The following SNTB2 variants were observed in gnomAD, a reference collection of about 807,000 sequenced individuals.
The protein encoded by SNTB2 is syntrophin beta 2.
A neutral mutation model predicts 46.2 loss-of-function variants in SNTB2; 34 were observed. The ratio of observed to expected loss-of-function variants is 0.74; its 90% CI spans 0.56 to 0.98. The LOEUF (loss-of-function observed/expected upper bound fraction) is 0.98, where lower values mean the gene tolerates loss of function less well. Among genes scored for constraint, SNTB2 ranks in the 50% least tolerant of loss-of-function variants. The pLI, the probability that SNTB2 is intolerant of heterozygous loss-of-function variation, is 0.00. For missense variants in SNTB2, 603 were observed against 731.4 expected, an observed-to-expected ratio of 0.82 and a Z score of 2.02; for synonymous variants, 290 against 312.6, an observed-to-expected ratio of 0.93 and a Z score of 0.76.
At chr16:69,187,860 A>C in intron 1 of SNTB2, 114 bp downstream of exon 1, 1 of 884,386 alleles carries the variant, frequency 1.1e-6, no homozygotes, top group Non-Finnish European at 1.6e-6. Flanking sequence ...GTCTCTCTCC[A>C]AACCCGGGTT....
At chr16:69,201,768 A>G (rs936496157) in intron 1 of SNTB2, among the ~76,000 whole-genome samples, 1 of 152,170 alleles carries the variant, frequency 6.6e-6, no homozygotes, top group Non-Finnish European at 1.5e-5. Context: ...TAGATTTCGT[A>G]TTTGGAGGGT....
chr16:69,187,306 G>C lies in SNTB2; in HGVS notation c.140G>C (p.Ser47Thr). Residue 47 changes from serine (S) to threonine (T), a missense_variant, in exon 1 of 7, where the codon AGC (serine) becomes ACC (threonine). Ser to Thr is a moderately conservative substitution (Grantham distance 58, BLOSUM62 1). This residue lies in a region of SNTB2 where 537 missense variants were observed against 692.4 expected (regional missense o/e 0.78). Coordinates refer to ENST00000336278, the MANE Select transcript of SNTB2 (RefSeq NM_006750.4). The part of the protein sequence containing the change: ...VRVVAELSGE[S>T]LSLTGDAAAA... ...GTGGTGGCCGAGCTGAGCGGGGAGA[G>C]CCTGAGCCTGACGGGCGACGCCGCC... is the stretch of plus-strand genomic sequence containing the variant. 1 of 1,470,916 alleles carries C rather than the reference G, an allele frequency of 6.8e-7. No individual in the cohort carries two copies. The highest frequency in any genetic ancestry group is 9.0e-7 in the Non-Finnish European group (1 of 1,116,244). 91.1% of individuals were successfully genotyped at this position (1,470,916 alleles called of 1,614,324 possible). A position where few individuals can be genotyped will look rare whatever the true frequency, so the allele number is the denominator to read the frequency against.
rs117540125 is a variant in SNTB2, at chr16:69,208,944, G to A, written c.580+21198G>A. Among the ~76,000 whole-genome samples, 1,493 of 152,156 alleles carry A rather than the reference G, an allele frequency of 9.8e-3. 12 individuals carry two copies. Among genetic ancestry groups the A allele is most frequent in the Middle Eastern group, 0.054 (16 of 294 alleles). ...ATTTGTTTGTTGTATGAACAAAGAG[G>A]TGATTGAGAAACTAGATGAATTTTT... is the stretch of plus-strand genomic sequence containing the variant. On this transcript the variant is annotated intron_variant, in intron 1 of 6. Coordinates refer to ENST00000336278, the MANE Select transcript of SNTB2 (RefSeq NM_006750.4).
At chr16:69,245,930 T>A in intron 2 of SNTB2, 115 bp downstream of exon 2, 1 of 1,067,256 alleles carries the variant, frequency 9.4e-7, no homozygotes, top group South Asian at 1.5e-5. Flanking sequence ...CTGTCTGAGG[T>A]GAGAGATGCA....
intron 5 of SNTB2, among the ~76,000 whole-genome samples, chr16:69,294,491 A>G (rs1965204029): frequency 6.6e-6 from 1 of 152,074 alleles, no homozygotes; most frequent in Non-Finnish European, 1.5e-5. Context: ...TGGGAGGCCA[A>G]GGAGGGTGGA....
chr16:69,262,490 T>A (rs1370079636), intron 3 of SNTB2, among the ~76,000 whole-genome samples: 1 of 152,042 alleles, frequency 6.6e-6, no homozygotes, highest in Non-Finnish European at 1.5e-5. Flanking sequence ...TTAATTTCCA[T>A]GTTCATAGTG....
intron 3 of SNTB2, among the ~76,000 whole-genome samples, chr16:69,263,359 C>T (rs1295688373): frequency 2.6e-5 from 4 of 151,942 alleles, no homozygotes; most frequent in Non-Finnish European, 5.9e-5. Flanking sequence ...ATCTTCCCAC[C>T]TTAGCCTCCC....
chr16:69,284,524 A>G (rs979405708), intron 5 of SNTB2, among the ~76,000 whole-genome samples: 2 of 145,570 alleles, frequency 1.4e-5, no homozygotes, highest in African/African-American at 5.1e-5. Context: ...CTGTAATCCC[A>G]GAGCTTTGGG....
At chr16:69,205,835 G>A (rs573322080) in intron 1 of SNTB2, among the ~76,000 whole-genome samples, 2 of 152,242 alleles carry the variant, frequency 1.3e-5, no homozygotes, top group South Asian at 2.1e-4. Flanking sequence ...TAAAACAGAA[G>A]TTTCTAATAA....
At chr16:69,234,120 T>C (rs1964534227) in intron 1 of SNTB2, among the ~76,000 whole-genome samples, 1 of 152,150 alleles carries the variant, frequency 6.6e-6, no homozygotes, top group Non-Finnish European at 1.5e-5. Flanking sequence ...TGCTTGAGCC[T>C]AGGAGTTCAA....
rs146823436 is a variant in SNTB2, at chr16:69,269,028, G to T, written c.1006-1115G>T. Reference sequence around the variant, plus strand: ...CTACTAAAAATACAAAATTAACTGGGTGTGGTGGCACATGCCTATAATCCC... The same window carrying T: ...CTACTAAAAATACAAAATTAACTGGTTGTGGTGGCACATGCCTATAATCCC... On this transcript the variant is annotated intron_variant, in intron 3 of 6. Transcript: ENST00000336278. Among the ~76,000 whole-genome samples, 591 of 151,516 alleles carry T rather than the reference G, an allele frequency of 3.9e-3. 7 individuals are homozygous for T. The highest frequency in any genetic ancestry group is 0.014 in the African/African-American group (567 of 41,268).
chr16:69,303,781 T>C lies in SNTB2; in HGVS notation c.*2857T>C, dbSNP rs1653915598. On this transcript the variant is annotated 3_prime_UTR_variant, in exon 7 of 7. Coordinates refer to ENST00000336278, the MANE Select transcript of SNTB2 (RefSeq NM_006750.4). ...ACCATGATAAATATGTATTTATATT[T>C]AGATGCCAAAGTATGGCAAATTATT... 6.5e-6 allele frequency: 1 copy of C among 152,700 alleles called. No individual in the cohort carries two copies. Among genetic ancestry groups the C allele is most frequent in the Admixed American group, 6.5e-5 (1 of 15,288 alleles). The allele number at this position is 152,700 out of a possible 1,614,324, so 9.5% of individuals were successfully genotyped here. A position where few individuals can be genotyped will look rare whatever the true frequency, so the allele number is the denominator to read the frequency against.
In SNTB2 at chr16:69,279,838, C is replaced by CT. The variant is rs1304159617; in HGVS notation, c.1149-4210_1149-4209insT. On this transcript the variant is annotated intron_variant, in intron 4 of 6. Transcript: ENST00000336278. ...CCACCACGCCTGGCTGTCCTTTGCC[C>CT]ATTTTTTTTAATTAATTAATTAATT... Among the ~76,000 whole-genome samples, 5 of 2,776 alleles carry CT rather than the reference C, an allele frequency of 1.8e-3. No homozygotes were observed. The East Asian group carries it at 0.19, about 107-fold the overall frequency. The allele number at this position is 2,776 out of a possible 152,430, so 1.8% of individuals were successfully genotyped here. A position where few individuals can be genotyped will look rare whatever the true frequency, so the allele number is the denominator to read the frequency against.
At chr16:69,234,858 A>G (rs1964542163) in intron 1 of SNTB2, among the ~76,000 whole-genome samples, 1 of 152,114 alleles carries the variant, frequency 6.6e-6, no homozygotes, top group South Asian at 2.1e-4. Context: ...GCCCGTCACC[A>G]TGCCCAGCTA....
chr16:69,198,192 T>A (rs1964123759), intron 1 of SNTB2, among the ~76,000 whole-genome samples: 1 of 142,766 alleles, frequency 7.0e-6, no homozygotes, highest in African/African-American at 2.6e-5. Context: ...CACTGCAACC[T>A]CCACCTCGCG....
At chr16:69,229,614 C>T (rs8058915) in intron 1 of SNTB2, among the ~76,000 whole-genome samples, 9 of 149,676 alleles carry the variant, frequency 6.0e-5, no homozygotes, top group African/African-American at 9.8e-5. Context: ...CCGAGGTGGG[C>T]GGATCACGAG....
At position 69,280,318 on chromosome 16, in the gene SNTB2, C is replaced by A. The variant is rs191881926; in HGVS notation, c.1149-3730C>A. Among the ~76,000 whole-genome samples the A allele has an allele frequency of 9.2e-5, 14 of 152,364 alleles. No homozygotes were observed. In the East Asian group the frequency reaches 2.5e-3, roughly 27 times the overall value. On this transcript the variant is annotated intron_variant, in intron 4 of 6. Transcript: ENST00000336278. ...CTCAATCCTTTCCCCACCTTTCCCC[C>A]CTTTCTATTCCACAAAACCGCCATT...
chr16:69,231,953 C>G (rs1964509929), intron 1 of SNTB2, among the ~76,000 whole-genome samples: 1 of 152,024 alleles, frequency 6.6e-6, no homozygotes, highest in Non-Finnish European at 1.5e-5. Flanking sequence ...TGACCAAGAA[C>G]TAGTTTACCA....
intron 1 of SNTB2, among the ~76,000 whole-genome samples, chr16:69,223,781 A>G (rs1353918593): frequency 6.6e-6 from 1 of 152,068 alleles, no homozygotes; most frequent in Non-Finnish European, 1.5e-5. Flanking sequence ...GGTGCCCGCC[A>G]CCATGCCCGA....
Sources: gnomAD v4.1 joint callset for allele counts (sites outside exome capture counted in the v4.1 genomes callset) on GRCh38, gnomAD v4.1.1 for gene constraint, gnomAD v4.1.1 regional missense constraint, MANE v1.5 for transcripts, NCBI Gene and HGNC (gene_info 2026-07-23, HGNC 2026-07-21) for gene names.